ALOX5: variants seen among roughly 807,000 people sequenced by gnomAD.
ALOX5 encodes polyunsaturated fatty acid 5-lipoxygenase.
ALOX5 carries 64 observed loss-of-function variants against 87.9 expected under a neutral mutation model. The observed-to-expected ratio is 0.73, with a 90% CI of 0.60 to 0.90. The LOEUF is 0.90. ALOX5 is among the 40% of genes least tolerant of loss of function. The pLI is 0.00. For synonymous variants in ALOX5, 388 were observed against 355.1 expected (o/e 1.09, Z -1.04); for missense variants, 822 against 907.5 (o/e 0.91, Z 1.21).
At chr10:45,419,190 C>T (rs1292466087) in intron 4 of ALOX5, among the ~76,000 whole-genome samples, 1 of 152,242 alleles carries the variant, frequency 6.6e-6, no homozygotes, top group African/African-American at 2.4e-5. Flanking sequence ...GCGGAGGCTG[C>T]CCTGGCCGCC....
intron 6 of ALOX5, among the ~76,000 whole-genome samples, chr10:45,427,643 G>A (rs1377184395): frequency 1.3e-5 from 2 of 152,162 alleles, no homozygotes; most frequent in African/African-American, 2.4e-5. Context: ...TCCGCAGCCG[G>A]GACCCTCACC....
chr10:45,384,521 G>A (rs1317478438), intron 2 of ALOX5, among the ~76,000 whole-genome samples: 3 of 152,336 alleles, frequency 2.0e-5, no homozygotes, highest in African/African-American at 7.2e-5. Context: ...TCTGTCATGT[G>A]TCTGGCACCT....
At chr10:45,437,088 C>T (rs748692504) in intron 7 of ALOX5, among the ~76,000 whole-genome samples, 37 of 152,214 alleles carry the variant, frequency 2.4e-4, no homozygotes, top group South Asian at 4.1e-4. Flanking sequence ...CACAGTGGCT[C>T]ACGCCTGTAA....
intron 3 of ALOX5, among the ~76,000 whole-genome samples, chr10:45,398,621 A>C (rs565648343): frequency 5.4e-4 from 83 of 152,372 alleles, no homozygotes; most frequent in Non-Finnish European, 9.4e-4. Flanking sequence ...AGGGCCTTCC[A>C]TCCATAATTT....
At chr10:45,399,017 A>G (rs974166556) in intron 3 of ALOX5, among the ~76,000 whole-genome samples, 10 of 152,272 alleles carry the variant, frequency 6.6e-5, no homozygotes, top group African/African-American at 2.4e-4. Context: ...GCATGATTAT[A>G]GCAGCATGAC....
At chr10:45,387,411 C>T (rs1006789828) in intron 2 of ALOX5, among the ~76,000 whole-genome samples, 1 of 152,100 alleles carries the variant, frequency 6.6e-6, no homozygotes, top group Non-Finnish European at 1.5e-5. Context: ...AGTGAACTCC[C>T]GTTTTTGCTC....
intron 4 of ALOX5, among the ~76,000 whole-genome samples, chr10:45,423,178 G>A (rs1207990490): frequency 1.3e-5 from 2 of 152,250 alleles, no homozygotes; most frequent in Non-Finnish European, 2.9e-5. Flanking sequence ...GAAGGAAACA[G>A]ATGTGCAAAG....
chr10:45,400,396 T>C (rs1026746293), intron 3 of ALOX5, among the ~76,000 whole-genome samples: 57 of 151,632 alleles, frequency 3.8e-4, no homozygotes, highest in African/African-American at 1.1e-3. Context: ...GGTCAGGAGT[T>C]TGAGACCAAC....
rs2132866502 is a variant in ALOX5, at chr10:45,444,103, G to A, written c.1675-13G>A. On this transcript the variant is annotated splice_polypyrimidine_tract_variant and intron_variant, in intron 12 of 13. Transcript: ENST00000374391. ...TCGGGGGTGCCCACGCTTGCTGGCG[G>A]TCGTCTCCGCAGTACGACTGGTGCT... 6.6e-7 allele frequency: 1 copy of A among 1,521,608 alleles called. No individual in the cohort carries two copies. The highest frequency in any genetic ancestry group is 8.9e-7 in the Non-Finnish European group (1 of 1,128,186). 94.3% of individuals were successfully genotyped at this position (1,521,608 alleles called of 1,614,324 possible).
intron 2 of ALOX5, among the ~76,000 whole-genome samples, chr10:45,391,783 C>T (rs75408574): frequency 0.35 from 52,963 of 150,578 alleles, 10,429 homozygotes; most frequent in East Asian, 0.61. Context: ...TCTGCCCGGC[C>T]GCCCTGTCTG....
At chr10:45,402,034 C>A (rs975324459) in intron 3 of ALOX5, among the ~76,000 whole-genome samples, 3 of 141,700 alleles carry the variant, frequency 2.1e-5, no homozygotes, top group Non-Finnish European at 4.5e-5. Flanking sequence ...TTGCAGTGAG[C>A]CGAGATTGCA....
intron 3 of ALOX5, among the ~76,000 whole-genome samples, chr10:45,408,571 T>C (rs1440971646): frequency 1.3e-5 from 2 of 152,208 alleles, no homozygotes; most frequent in Non-Finnish European, 2.9e-5. Context: ...CTTATCAATC[T>C]TAAAGAGTCT....
chr10:45,401,715 C>A (rs1840704175), intron 3 of ALOX5, among the ~76,000 whole-genome samples: 1 of 152,168 alleles, frequency 6.6e-6, no homozygotes. Context: ...AAAGTGAAAA[C>A]CCTTGTATGT....
chr10:45,401,671 T>C (rs1840702952), intron 3 of ALOX5, among the ~76,000 whole-genome samples: 1 of 152,156 alleles, frequency 6.6e-6, no homozygotes, highest in South Asian at 2.1e-4. Flanking sequence ...CCCTGGACAT[T>C]TAGGAGGTTT....
chr10:45,402,276 G>A (rs183259862), intron 3 of ALOX5, among the ~76,000 whole-genome samples: 1 of 152,162 alleles, frequency 6.6e-6, no homozygotes, highest in Admixed American at 6.5e-5. Context: ...CAAGGGGTGA[G>A]AAATCCCACA....
intron 3 of ALOX5, among the ~76,000 whole-genome samples, chr10:45,398,603 A>G (rs1840594490): frequency 6.6e-6 from 1 of 152,258 alleles, no homozygotes; most frequent in Admixed American, 6.5e-5. Flanking sequence ...CAAATTGTAT[A>G]TCTGATAAGG....
At chr10:45,415,200 G>A (rs866753686) in intron 4 of ALOX5, among the ~76,000 whole-genome samples, 6 of 152,140 alleles carry the variant, frequency 3.9e-5, no homozygotes, top group Non-Finnish European at 5.9e-5. Flanking sequence ...GTCCATCACC[G>A]ATAGACTGGA....
At chr10:45,415,799 G>C (rs1222403562) in intron 4 of ALOX5, among the ~76,000 whole-genome samples, 2 of 152,248 alleles carry the variant, frequency 1.3e-5, no homozygotes, top group Admixed American at 6.5e-5. Context: ...CTTGCGCTTA[G>C]TACATCAGCA....
At chr10:45,435,428 C>T (rs1842034692) in intron 7 of ALOX5, among the ~76,000 whole-genome samples, 1 of 152,172 alleles carries the variant, frequency 6.6e-6, no homozygotes, top group Non-Finnish European at 1.5e-5. Context: ...CCTCCCTCCC[C>T]TTCCTGGAGT....
Sources: allele counts gnomAD v4.1 joint callset (sites outside exome capture counted in the v4.1 genomes callset), GRCh38; gene constraint gnomAD v4.1.1; transcripts MANE v1.5; gene names NCBI Gene and HGNC (gene_info 2026-07-23, HGNC 2026-07-21).